The following GREB1L variants were observed in gnomAD, a reference collection of about 807,000 sequenced individuals.
GREB1L encodes GREB1-like protein.
Under a neutral mutation model 200.8 loss-of-function variants are expected in GREB1L, and 17 were observed. The ratio of observed to expected loss-of-function variants is 0.08; its 90% CI spans 0.06 to 0.13. The LOEUF is 0.13. Ranked by LOEUF, GREB1L falls within the 10% of genes least tolerant of loss-of-function variation. The pLI, the probability that GREB1L is intolerant of heterozygous loss-of-function variation, is 1.00. For missense variants in GREB1L, 1,657 were observed against 2,367.7 expected (o/e 0.70, Z 6.23); for synonymous variants, 789 against 893.0 (o/e 0.88, Z 2.08).
chr18:21,281,846 A>G (rs2038274935), intron 1 of GREB1L, among the ~76,000 whole-genome samples: 1 of 152,238 alleles, frequency 6.6e-6, no homozygotes, highest in South Asian at 2.1e-4. Context: ...TTTGAAATAC[A>G]TACCTACAAT....
intron 1 of GREB1L, among the ~76,000 whole-genome samples, chr18:21,268,560 CATATATATATATATAT>C (rs370094258): frequency 3.5e-3 from 223 of 63,532 alleles, no homozygotes; most frequent in African/African-American, 0.015. Flanking sequence ...CACACACACA[CATATATATATATATAT>C]ATATATATAT....
intron 1 of GREB1L, among the ~76,000 whole-genome samples, chr18:21,255,786 T>A (rs528301249): frequency 2.0e-4 from 31 of 152,340 alleles, no homozygotes; most frequent in African/African-American, 7.2e-4. Context: ...TCCTGAATAT[T>A]AGAGTATAAG....
chr18:21,376,824 A>AG (rs2040095655), intron 2 of GREB1L, among the ~76,000 whole-genome samples: 1 of 151,676 alleles, frequency 6.6e-6, no homozygotes, highest in African/African-American at 2.4e-5. Context: ...AAAAAAAAAA[A>AG]AAAAAAAAAG....
At chr18:21,328,793 G>A (rs2145008830) in intron 1 of GREB1L, among the ~76,000 whole-genome samples, 1 of 152,184 alleles carries the variant, frequency 6.6e-6, no homozygotes, top group East Asian at 1.9e-4. Flanking sequence ...GGGAAAACAG[G>A]AAATGATAGT....
chr18:21,401,272 C>T lies in GREB1L; in HGVS notation c.655C>T (p.Leu219=), dbSNP rs769280752. 39 of 1,551,678 alleles carry T rather than the reference C, an allele frequency of 2.5e-5. No individual in the cohort carries two copies. Among genetic ancestry groups the T allele is most frequent in the Non-Finnish European group, 3.4e-5 (39 of 1,146,876 alleles). Residue 219 remains leucine, a synonymous_variant, in exon 6 of 33, where the codon CTA becomes TTA. Coordinates refer to ENST00000424526, the MANE Select transcript of GREB1L (RefSeq NM_001142966.3). ...GAAGCAGAAGCACTTAAAGTACTAC[C>T]TAGTCAGAAGCTCCCAGGGTGTACT... ...PKKQKHLKYY[L]VRSSQGVLSK... is the part of the protein sequence containing the mutation.
chr18:21,477,545 G>A (rs193126428), intron 17 of GREB1L, among the ~76,000 whole-genome samples, 189 bp downstream of exon 17: 50 of 152,302 alleles, frequency 3.3e-4, no homozygotes, highest in African/African-American at 1.1e-3. Flanking sequence ...CCAGCACTTT[G>A]GGAGGCCGAG....
At chr18:21,304,718 T>TA (rs112208751) in intron 1 of GREB1L, among the ~76,000 whole-genome samples, 8,159 of 151,938 alleles carry the variant, frequency 0.054, 734 homozygotes, top group African/African-American at 0.19. Context: ...AAAGAAAAAA[T>TA]AAAAAATAAC....
At position 21,301,244 on chromosome 18, in the gene GREB1L, C is replaced by T. The variant is rs764349207; in HGVS notation, c.-120+58851C>T. ...ATGTGCATTGTTAGAGTGAAGCTGA[C>T]AACAGGTTATTTTGTTTGCTTTGTA... On this transcript the variant is annotated intron_variant, in intron 1 of 32. Transcript: ENST00000424526. 7.2e-5 allele frequency among the ~76,000 whole-genome samples: 11 copies of T among 152,294 alleles called. No homozygotes were observed. The South Asian group carries it at 1.0e-3, about 14-fold the overall frequency.
chr18:21,381,125 G>T (rs1040305791), intron 2 of GREB1L, among the ~76,000 whole-genome samples: 1 of 151,892 alleles, frequency 6.6e-6, no homozygotes, highest in African/African-American at 2.4e-5. Flanking sequence ...GCCTGTAGCC[G>T]CAGCTACTCG....
At chr18:21,417,473 C>T (rs1479878272) in intron 7 of GREB1L, among the ~76,000 whole-genome samples, 2 of 152,120 alleles carry the variant, frequency 1.3e-5, no homozygotes, top group South Asian at 4.1e-4. Context: ...AAGATCGCGC[C>T]ACTGCACTCC....
intron 1 of GREB1L, among the ~76,000 whole-genome samples, chr18:21,285,504 G>A (rs2038341012): frequency 6.6e-6 from 1 of 152,046 alleles, no homozygotes; most frequent in East Asian, 2.0e-4. Flanking sequence ...GTCATATCTG[G>A]GAGAGTAGTG....
At chr18:21,460,268 A>C (rs2145551722) in intron 15 of GREB1L, among the ~76,000 whole-genome samples, 1 of 152,128 alleles carries the variant, frequency 6.6e-6, no homozygotes, top group Non-Finnish European at 1.5e-5. Context: ...TCCACCTCCC[A>C]GGTTCAAGCA....
At chr18:21,333,092 ACGCG>A (rs1318005450) in intron 1 of GREB1L, among the ~76,000 whole-genome samples, 8 of 151,012 alleles carry the variant, frequency 5.3e-5, no homozygotes, top group Non-Finnish European at 5.9e-5. Flanking sequence ...ATACACACAC[ACGCG>A]CGCGCGCGCG....
At chr18:21,498,641 A>T (rs2036650849) in intron 21 of GREB1L, among the ~76,000 whole-genome samples, 1 of 152,084 alleles carries the variant, frequency 6.6e-6, no homozygotes, top group African/African-American at 2.4e-5. Flanking sequence ...GAACTCACAA[A>T]GGTGGTTTGC....
chr18:21,286,096 A>C (rs531363672), intron 1 of GREB1L, among the ~76,000 whole-genome samples: 80 of 152,356 alleles, frequency 5.3e-4, no homozygotes, highest in African/African-American at 1.9e-3. Context: ...CATACAACAT[A>C]CAACTCCCAC....
intron 1 of GREB1L, among the ~76,000 whole-genome samples, chr18:21,295,893 C>T (rs1400526103): frequency 6.6e-6 from 1 of 152,192 alleles, no homozygotes; most frequent in Non-Finnish European, 1.5e-5. Context: ...GGAGCTTTAA[C>T]AACACTTCTC....
intron 1 of GREB1L, among the ~76,000 whole-genome samples, chr18:21,311,652 T>TA (rs1167267466): frequency 6.6e-6 from 1 of 152,188 alleles, no homozygotes; most frequent in African/African-American, 2.4e-5. Context: ...GGATACCACC[T>TA]AATTTCCAGA....
chr18:21,477,816 T>G (rs1208217685), intron 17 of GREB1L, among the ~76,000 whole-genome samples: 3 of 151,786 alleles, frequency 2.0e-5, no homozygotes, highest in Middle Eastern at 3.4e-3. Flanking sequence ...ACTAACATAA[T>G]TCTGTATCTT....
intron 7 of GREB1L, among the ~76,000 whole-genome samples, chr18:21,432,218 C>T (rs781288892): frequency 3.9e-5 from 6 of 152,186 alleles, no homozygotes; most frequent in South Asian, 4.1e-4. Context: ...CCACCGTGCC[C>T]GGCCTAGAGT....
Sources: allele counts gnomAD v4.1 joint callset (sites outside exome capture counted in the v4.1 genomes callset), GRCh38; gene constraint gnomAD v4.1.1; transcripts MANE v1.5; gene names NCBI Gene and HGNC (gene_info 2026-07-23, HGNC 2026-07-21).